Variants in STARD9 observed in about 807,000 individuals in gnomAD.
The protein encoded by STARD9 is StAR related lipid transfer domain containing 9.
STARD9 carries 346 observed loss-of-function variants against 399.8 expected under a neutral mutation model. That is an observed-to-expected ratio of 0.87 (90% confidence interval 0.79 to 0.95). STARD9 has a LOEUF of 0.95. Among genes scored for constraint, STARD9 ranks in the 40% least tolerant of loss-of-function variants. The pLI, the probability that STARD9 is intolerant of heterozygous loss-of-function variation, is 0.00. For synonymous variants in STARD9, 2,203 were observed against 2,143.5 expected, an observed-to-expected ratio of 1.03 and a Z score of -0.77; for missense variants, 5,832 against 5,667.5, an observed-to-expected ratio of 1.03 and a Z score of -0.93.
chr15:42,615,437 G>A (rs544613911), intron 3 of STARD9, among the ~76,000 whole-genome samples: 3 of 152,150 alleles, frequency 2.0e-5, no homozygotes, highest in Non-Finnish European at 4.4e-5. Context: ...TTCCTTGGAA[G>A]AATTTCCATG....
At chr15:42,609,089 C>G (rs2058796724) in intron 3 of STARD9, among the ~76,000 whole-genome samples, 1 of 152,040 alleles carries the variant, frequency 6.6e-6, no homozygotes, top group African/African-American at 2.4e-5. Context: ...AGACCAAACT[C>G]CTGGGACTGC....
chr15:42,671,740 G>C (rs1270388066), intron 16 of STARD9: 2 of 152,122 alleles, frequency 1.3e-5, no homozygotes, highest in African/African-American at 2.4e-5. Context: ...ATGAATTGAA[G>C]AATAAAGGAT....
intron 7 of STARD9, among the ~76,000 whole-genome samples, chr15:42,640,775 G>A (rs779639836): frequency 6.4e-5 from 9 of 139,728 alleles, no homozygotes; most frequent in Admixed American, 4.8e-4. Context: ...AGCCAAGATC[G>A]CGCCACTGCA....
Position 42,663,922 on chromosome 15 carries a change from G to T in STARD9, c.1176+5G>T. The T allele has an allele frequency of 1.3e-6, 2 of 1,515,164 alleles. No homozygotes were observed. Among genetic ancestry groups the T allele is most frequent in the Non-Finnish European group, 1.8e-6 (2 of 1,127,010 alleles). 93.9% of individuals were successfully genotyped at this position (1,515,164 alleles called of 1,614,324 possible). A position where few individuals can be genotyped will look rare whatever the true frequency, so the allele number is the denominator to read the frequency against. ...AACAAGCCACGAGTAAATGAGGTGA[G>T]ACCTTTTCAGAAGTCCTGGTCTGGT... On this transcript the variant is annotated splice_donor_5th_base_variant and intron_variant, in intron 13 of 32. Coordinates refer to ENST00000290607, the MANE Select transcript of STARD9 (RefSeq NM_020759.3).
chr15:42,616,784 G>T (rs952426933), intron 3 of STARD9, among the ~76,000 whole-genome samples: 1 of 151,460 alleles, frequency 6.6e-6, no homozygotes, highest in Non-Finnish European at 1.5e-5. Context: ...CCAGCTACTC[G>T]GGAGGCTGAG....
At chr15:42,696,863 A>G (rs2060857247) in intron 26 of STARD9, among the ~76,000 whole-genome samples, 1 of 152,174 alleles carries the variant, frequency 6.6e-6, no homozygotes, top group African/African-American at 2.4e-5. Flanking sequence ...AGGGAGAACC[A>G]GGTTTTGTGT....
chr15:42,620,344 G>C (rs2059062994), intron 3 of STARD9, among the ~76,000 whole-genome samples: 1 of 151,664 alleles, frequency 6.6e-6, no homozygotes, highest in Admixed American at 6.6e-5. Context: ...AGCTGGGCAT[G>C]GTGGCTCGCA....
chr15:42,628,741 T>C (rs547585065), intron 3 of STARD9, among the ~76,000 whole-genome samples: 66 of 152,300 alleles, frequency 4.3e-4, no homozygotes, highest in Non-Finnish European at 8.5e-4. Context: ...TTCACTGTGG[T>C]GTGTGGATGT....
chr15:42,664,915 A>G (rs1219710648), intron 13 of STARD9, among the ~76,000 whole-genome samples: 1 of 152,140 alleles, frequency 6.6e-6, no homozygotes. Context: ...CTACCTATAC[A>G]TGCCCTGGCT....
intron 1 of STARD9, among the ~76,000 whole-genome samples, chr15:42,582,759 C>T (rs1300120645): frequency 2.0e-5 from 3 of 152,180 alleles, no homozygotes; most frequent in Non-Finnish European, 4.4e-5. Flanking sequence ...GCATCGTGAT[C>T]ATAGCTTGCT....
intron 3 of STARD9, among the ~76,000 whole-genome samples, chr15:42,615,714 TTAAA>T: frequency 6.8e-6 from 1 of 147,960 alleles, no homozygotes; most frequent in South Asian, 2.1e-4. Context: ...GAAAAGGAGA[TTAAA>T]AAAAAAAAAG....
intron 20 of STARD9, among the ~76,000 whole-genome samples, chr15:42,676,702 T>C (rs187386925): frequency 6.6e-6 from 1 of 152,254 alleles, no homozygotes; most frequent in East Asian, 1.9e-4. Context: ...AGTCCTTCTA[T>C]TCCTGTACGT....
intron 26 of STARD9, among the ~76,000 whole-genome samples, chr15:42,707,036 C>G (rs986284245): frequency 7.9e-5 from 12 of 152,100 alleles, no homozygotes; most frequent in Admixed American, 7.9e-4. Flanking sequence ...TTGAATTTTT[C>G]TGTGGTTTTT....
intron 7 of STARD9, among the ~76,000 whole-genome samples, chr15:42,641,658 G>A (rs955037548): frequency 6.6e-6 from 1 of 151,582 alleles, no homozygotes; most frequent in Admixed American, 6.6e-5. Flanking sequence ...AGACTGGAGT[G>A]CAATGGCGCG....
At chr15:42,592,029 T>TA (rs1336973647) in intron 3 of STARD9, among the ~76,000 whole-genome samples, 2 of 152,230 alleles carry the variant, frequency 1.3e-5, no homozygotes, top group Non-Finnish European at 2.9e-5. Flanking sequence ...TCATTTCCAC[T>TA]AAACCTCACT....
At chr15:42,604,547 G>C (rs1217402066) in intron 3 of STARD9, among the ~76,000 whole-genome samples, 1 of 150,468 alleles carries the variant, frequency 6.6e-6, no homozygotes, top group Non-Finnish European at 1.5e-5. Context: ...TTGAAAAAAC[G>C]TGAAGAGGGA....
At position 42,583,405 on chromosome 15, in the gene STARD9, G is replaced by A. The variant is rs926977344; in HGVS notation, c.107G>A (p.Arg36Lys). The change falls in exon 2 of 33, where the codon AGG becomes AAG. Residue 36 changes from arginine to lysine, a missense_variant. By Grantham distance (26) the Arg-to-Lys change is conservative. Transcript: ENST00000290607. ...GTTGATGGCAAAGTGGCAAAAATCA[G>A]GAATTTAAAGGTAAGCCTGAAATTG... ...VEVDGKVAKI[R>K]NLKVDNRPDG... 2 of 1,536,314 alleles carry A rather than the reference G, an allele frequency of 1.3e-6. No individual in the cohort carries two copies. Among genetic ancestry groups the A allele is most frequent in the Middle Eastern group, 1.7e-4 (1 of 5,988 alleles).
rs1024066286 is a variant in STARD9 at position 42,585,432 on chromosome 15, C to G, written c.118-89C>G. 1.2e-5 allele frequency: 9 copies of G among 779,682 alleles called. No individual in the cohort carries two copies. The African/African-American group carries it at 1.4e-4, about 12-fold the overall frequency. The allele number at this position is 779,682 out of a possible 1,614,324, so 48.3% of individuals were successfully genotyped here. On this transcript the variant is annotated intron_variant, in intron 2 of 32. Coordinates refer to ENST00000290607, the MANE Select transcript of STARD9 (RefSeq NM_020759.3). ...ACAGTCTCATGACCAGTCCAAGTCTCTCTAGCTATGGTAGAGGGTGATCAA... is the reference window on the plus strand; with the variant it reads ...ACAGTCTCATGACCAGTCCAAGTCTGTCTAGCTATGGTAGAGGGTGATCAA...
rs944985582 is a variant in STARD9, at chr15:42,661,291, G to A, written c.770+66G>A. On this transcript the variant is annotated intron_variant, in intron 10 of 32. Coordinates refer to ENST00000290607, the MANE Select transcript of STARD9 (RefSeq NM_020759.3). Reference sequence around the variant, plus strand: ...TTGCCTGTTTTACAGGGAATAAGCTGTTCCAATCTTTTTCACATTTCAGTC... The same window carrying A: ...TTGCCTGTTTTACAGGGAATAAGCTATTCCAATCTTTTTCACATTTCAGTC... 3.1e-5 allele frequency: 34 copies of A among 1,102,036 alleles called. No homozygotes were observed. The African/African-American group carries it at 5.3e-4, about 17-fold the overall frequency. 68.3% of individuals were successfully genotyped at this position (1,102,036 alleles called of 1,614,324 possible). A position where few individuals can be genotyped will look rare whatever the true frequency, so the allele number is the denominator to read the frequency against.
Sources: gnomAD v4.1 joint callset for allele counts (sites outside exome capture counted in the v4.1 genomes callset) on GRCh38, gnomAD v4.1.1 for gene constraint, MANE v1.5 for transcripts, NCBI Gene and HGNC (gene_info 2026-07-23, HGNC 2026-07-21) for gene names.